The following SMYD3 variants were observed in gnomAD, a reference collection of about 807,000 sequenced individuals.
SMYD3 encodes SET and MYND domain containing 3.
A neutral mutation model predicts 57.7 loss-of-function variants in SMYD3; 36 were observed. The ratio of observed to expected loss-of-function variants is 0.62; its 90% CI spans 0.48 to 0.82. The LOEUF (loss-of-function observed/expected upper bound fraction) is 0.82. Among genes scored for constraint, SMYD3 ranks in the 40% least tolerant of loss-of-function variants. The probability of loss-of-function intolerance (pLI) is 0.00; values close to 1 mark genes in which losing one functional copy is unlikely to be tolerated. For missense variants in SMYD3, 515 were observed against 538.8 expected, an observed-to-expected ratio of 0.96 and a Z score of 0.44; for synonymous variants, 211 against 195.0, an observed-to-expected ratio of 1.08 and a Z score of -0.68.
At chr1:246,474,766 A>C (rs77912693) in intron 1 of SMYD3, among the ~76,000 whole-genome samples, 1 of 152,304 alleles carries the variant, frequency 6.6e-6, no homozygotes, top group East Asian at 1.9e-4. Flanking sequence ...TATTGTCTGC[A>C]GGTCATTCTC....
intron 5 of SMYD3, among the ~76,000 whole-genome samples, chr1:246,157,355 C>T (rs913126711): frequency 2.0e-5 from 3 of 152,254 alleles, no homozygotes; most frequent in South Asian, 2.1e-4. Flanking sequence ...CCAGAGCCCA[C>T]GTTCTTCACC....
chr1:245,817,095 G>A (rs997510000), intron 10 of SMYD3, among the ~76,000 whole-genome samples: 21 of 151,506 alleles, frequency 1.4e-4, no homozygotes, highest in African/African-American at 3.9e-4. Flanking sequence ...CTGGGGGCAG[G>A]GCACAGACAA....
intron 5 of SMYD3, among the ~76,000 whole-genome samples, chr1:245,943,890 T>C (rs2057344923): frequency 6.6e-6 from 1 of 152,132 alleles, no homozygotes; most frequent in Non-Finnish European, 1.5e-5. Context: ...AAAAACCACA[T>C]GATTATCTCA....
chr1:246,106,920 G>A (rs1004643957), intron 5 of SMYD3, among the ~76,000 whole-genome samples: 2 of 152,144 alleles, frequency 1.3e-5, no homozygotes, highest in African/African-American at 4.8e-5. Context: ...GCAAAGTGAG[G>A]AGAAAAACAG....
chr1:246,273,135 C>CTTTTT (rs71299006), intron 5 of SMYD3, among the ~76,000 whole-genome samples: 2,817 of 107,444 alleles, frequency 0.026, 209 homozygotes, highest in East Asian at 0.2. Flanking sequence ...TCCCTGTTTT[C>CTTTTT]TTTTTTTTTT....
intron 5 of SMYD3, among the ~76,000 whole-genome samples, chr1:246,313,126 C>T (rs1161437311): frequency 2.0e-5 from 3 of 151,906 alleles, no homozygotes; most frequent in Admixed American, 1.3e-4. Context: ...GGCTGGTCTC[C>T]AACTCCTGAG....
chr1:246,270,958 C>T (rs1307925748), intron 5 of SMYD3, among the ~76,000 whole-genome samples: 2 of 152,168 alleles, frequency 1.3e-5, no homozygotes, highest in Non-Finnish European at 1.5e-5. Flanking sequence ...TCCAATTTCC[C>T]CACATCCTCC....
intron 5 of SMYD3, among the ~76,000 whole-genome samples, chr1:245,945,718 CCAT>C (rs1553370239): frequency 6.6e-6 from 1 of 152,028 alleles, no homozygotes; most frequent in Non-Finnish European, 1.5e-5. Context: ...AATTAAATGT[CCAT>C]CAATAATAGA....
At chr1:246,250,704 AC>A (rs1161945407) in intron 5 of SMYD3, among the ~76,000 whole-genome samples, 1 of 152,202 alleles carries the variant, frequency 6.6e-6, no homozygotes, top group Non-Finnish European at 1.5e-5. Context: ...AATTACTTTG[AC>A]GTACATCTTT....
At position 246,335,491 on chromosome 1, in the gene SMYD3, G is replaced by A. The variant is rs1379762567; in HGVS notation, c.229-17C>T. ...AGCTTTTTTCTATTAAAACAAGAGTGGGGAGAACATAGGTGACCTAAAATT... is the reference window on the plus strand; with the variant it reads ...AGCTTTTTTCTATTAAAACAAGAGTAGGGAGAACATAGGTGACCTAAAATT... On this transcript the variant is annotated splice_polypyrimidine_tract_variant and intron_variant, in intron 2 of 11. Transcript: ENST00000490107. The A allele has an allele frequency of 6.2e-7, 1 of 1,607,198 alleles. No homozygotes were observed. The highest frequency in any genetic ancestry group is 1.3e-5 in the African/African-American group (1 of 74,728).
At chr1:246,269,784 G>C (rs2064183754) in intron 5 of SMYD3, among the ~76,000 whole-genome samples, 1 of 151,982 alleles carries the variant, frequency 6.6e-6, no homozygotes, top group African/African-American at 2.4e-5. Context: ...CGTTGCCCAG[G>C]CTGGTCTCAA....
chr1:245,946,554 G>C (rs571432744), intron 5 of SMYD3, among the ~76,000 whole-genome samples: 1 of 152,280 alleles, frequency 6.6e-6, no homozygotes, highest in East Asian at 1.9e-4. Flanking sequence ...CTCAACAGAC[G>C]CTTCTGAGGC....
At chr1:245,931,171 T>C (rs930821947) in intron 5 of SMYD3, among the ~76,000 whole-genome samples, 2 of 152,190 alleles carry the variant, frequency 1.3e-5, no homozygotes, top group African/African-American at 4.8e-5. Context: ...AGCCAAGGCA[T>C]GAAGGAGTCT....
intron 5 of SMYD3, among the ~76,000 whole-genome samples, chr1:246,286,112 A>G (rs1264631229): frequency 2.0e-5 from 3 of 152,212 alleles, no homozygotes; most frequent in Non-Finnish European, 4.4e-5. Context: ...TAGAACTACC[A>G]TCCAGCAATC....
chr1:246,369,515 T>C (rs1161988804), intron 1 of SMYD3, among the ~76,000 whole-genome samples: 1 of 152,090 alleles, frequency 6.6e-6, no homozygotes, highest in African/African-American at 2.4e-5. Flanking sequence ...AGAATTGATT[T>C]GGATTCATTT....
At chr1:245,886,521 A>T (rs9730546) in intron 8 of SMYD3, among the ~76,000 whole-genome samples, 151,929 of 152,292 alleles carry the variant, frequency 1, 75,786 homozygotes, top group Middle Eastern at 1. Flanking sequence ...AATCTTTAAT[A>T]GAAGCACCCA....
chr1:245,886,446 C>T (rs1458931154), intron 8 of SMYD3, among the ~76,000 whole-genome samples: 2 of 152,168 alleles, frequency 1.3e-5, no homozygotes, highest in Non-Finnish European at 2.9e-5. Context: ...GGAAGTACAG[C>T]TAGTTTAGAG....
intron 5 of SMYD3, among the ~76,000 whole-genome samples, chr1:246,158,512 C>T (rs147335449): frequency 1.3e-5 from 2 of 152,242 alleles, no homozygotes; most frequent in Admixed American, 6.5e-5. Context: ...AGGAAATTGG[C>T]TTTGTTTTTT....
At chr1:246,256,977 C>A (rs1225229648) in intron 5 of SMYD3, among the ~76,000 whole-genome samples, 2 of 152,012 alleles carry the variant, frequency 1.3e-5, no homozygotes, top group Non-Finnish European at 2.9e-5. Context: ...GGTTTTGAGT[C>A]CTTTAAGGTA....
Sources: allele counts gnomAD v4.1 joint callset (sites outside exome capture counted in the v4.1 genomes callset), GRCh38; gene constraint gnomAD v4.1.1; transcripts MANE v1.5; gene names NCBI Gene and HGNC (gene_info 2026-07-23, HGNC 2026-07-21).